The following RSPO4 variants were observed in gnomAD, a reference collection of about 807,000 sequenced individuals.
RSPO4 encodes the protein R-spondin-4.
RSPO4 carries 23 observed loss-of-function variants against 24.8 expected under a neutral mutation model. The observed-to-expected ratio is 0.93, with a 90% CI of 0.67 to 1.31. RSPO4 has a LOEUF of 1.31. Ranked by LOEUF, RSPO4 falls within the 40% of genes most tolerant of loss-of-function variation. The probability of loss-of-function intolerance (pLI) is 0.00; values close to 1 mark genes in which losing one functional copy is unlikely to be tolerated. For synonymous variants in RSPO4, 141 were observed against 127.4 expected, an observed-to-expected ratio of 1.11 and a Z score of -0.72; for missense variants, 333 against 316.5, an observed-to-expected ratio of 1.05 and a Z score of -0.39.
At position 972,502 on chromosome 20, in the gene RSPO4, C is replaced by T. The variant is rs906523556; in HGVS notation, c.80-4364G>A. Reference sequence around the variant, plus strand: ...ATGCCCTGTACAGCCCCTTAGGAAACGCTGGCACTGTTCTCCTCCCATTTT... The same window carrying T: ...ATGCCCTGTACAGCCCCTTAGGAAATGCTGGCACTGTTCTCCTCCCATTTT... On this transcript the variant is annotated intron_variant, in intron 1 of 4. Coordinates refer to ENST00000217260, the MANE Select transcript of RSPO4 (RefSeq NM_001029871.4). 1.2e-4 allele frequency among the ~76,000 whole-genome samples: 19 copies of T among 152,330 alleles called. 1 individual carries two copies. The highest frequency in any genetic ancestry group is 2.4e-4 in the African/African-American group (10 of 41,582).
intron 1 of RSPO4, among the ~76,000 whole-genome samples, chr20:979,482 T>C (rs1984672281): frequency 6.6e-6 from 1 of 152,232 alleles, no homozygotes. Context: ...ACTTATTTGC[T>C]GCGGGTTTCA....
intron 1 of RSPO4, among the ~76,000 whole-genome samples, chr20:990,000 G>A (rs1165253532): frequency 6.6e-6 from 1 of 152,240 alleles, no homozygotes; most frequent in African/African-American, 2.4e-5. Context: ...ACCCCACAAG[G>A]TGGGGGCTAC....
intron 1 of RSPO4, among the ~76,000 whole-genome samples, chr20:990,426 T>A (rs1473967132): frequency 1.3e-5 from 2 of 152,022 alleles, no homozygotes; most frequent in Non-Finnish European, 2.9e-5. Flanking sequence ...ATCCCAAGTG[T>A]ATGTTTTCCT....
In RSPO4 at chr20:964,137, GAGACAGAC is replaced by G. The variant is rs542081072; in HGVS notation, c.410-25_410-18del. The G allele has an allele frequency of 2.5e-6, 4 of 1,597,778 alleles. No homozygotes were observed. Among genetic ancestry groups the G allele is most frequent in the Non-Finnish European group, 3.4e-6 (4 of 1,170,010 alleles). On this transcript the variant is annotated intron_variant, in intron 3 of 4. Transcript: ENST00000217260. ...CACACTCCCCTGTGGGGTGAAAGGA[GAGACAGAC>G]AGACAGACAGACAGGGTCAGCCGGC...
chr20:999,599 T>C (rs1985399725), intron 1 of RSPO4, among the ~76,000 whole-genome samples: 4 of 151,958 alleles, frequency 2.6e-5, no homozygotes, highest in African/African-American at 7.3e-5. Context: ...CCCCAACAAA[T>C]AAATGGAGCC....
intron 1 of RSPO4, among the ~76,000 whole-genome samples, chr20:990,162 C>G (rs912647252): frequency 1.2e-4 from 18 of 152,332 alleles, no homozygotes; most frequent in Admixed American, 9.8e-4. Context: ...TCACCCCTCC[C>G]TGCCAACCCC....
intron 1 of RSPO4, among the ~76,000 whole-genome samples, chr20:973,157 T>G (rs572460485): frequency 6.7e-6 from 1 of 149,050 alleles, no homozygotes; most frequent in African/African-American, 2.4e-5. Context: ...AGGCAGAGCC[T>G]GGGGCCATGG....
At chr20:972,267 T>C (rs1600092041) in intron 1 of RSPO4, among the ~76,000 whole-genome samples, 1 of 152,192 alleles carries the variant, frequency 6.6e-6, no homozygotes, top group African/African-American at 2.4e-5. Context: ...GGTTTCACCA[T>C]GTTTCCCAGG....
At chr20:969,306 T>A (rs922281880) in intron 1 of RSPO4, among the ~76,000 whole-genome samples, 5 of 152,198 alleles carry the variant, frequency 3.3e-5, no homozygotes, top group Non-Finnish European at 7.3e-5. Flanking sequence ...TGAAGCCATG[T>A]TTCCAATAAA....
intron 1 of RSPO4, among the ~76,000 whole-genome samples, chr20:976,192 T>C (rs914722406): frequency 1.3e-5 from 2 of 152,222 alleles, no homozygotes; most frequent in African/African-American, 2.4e-5. Flanking sequence ...GGTGCTCCTC[T>C]GTAAACCTAG....
intron 1 of RSPO4, among the ~76,000 whole-genome samples, chr20:988,977 C>T (rs1985008035): frequency 6.6e-6 from 1 of 152,162 alleles, no homozygotes; most frequent in Non-Finnish European, 1.5e-5. Context: ...GATTCCTTGA[C>T]CTCTTGTTGC....
At chr20:964,803 CAT>C (rs202179959) in intron 3 of RSPO4, among the ~76,000 whole-genome samples, 14,677 of 106,508 alleles carry the variant, frequency 0.14, 1,090 homozygotes, top group African/African-American at 0.25. Context: ...TATATACACA[CAT>C]ACACACACAC....
intron 1 of RSPO4, among the ~76,000 whole-genome samples, chr20:975,210 C>T (rs910729138): frequency 6.6e-6 from 1 of 152,220 alleles, no homozygotes; most frequent in African/African-American, 2.4e-5. Context: ...AACCTGATCA[C>T]CCTGGTGCTC....
rs568059975 is a variant in RSPO4 at position 991,099 on chromosome 20, AGT to A, written c.79+10985_79+10986del. 8.3e-3 allele frequency among the ~76,000 whole-genome samples: 1,258 copies of A among 152,188 alleles called. 12 individuals carry two copies. The highest frequency in any genetic ancestry group is 0.029 in the African/African-American group (1,194 of 41,532). The stretch of plus-strand genomic sequence containing the variant: ...TAGCAGATCCAAGCTCACACTCTGG[AGT>A]GTGACTTTGCTTGTTTATTTTAAAA... On this transcript the variant is annotated intron_variant, in intron 1 of 4. Coordinates refer to ENST00000217260, the MANE Select transcript of RSPO4 (RefSeq NM_001029871.4).
At chr20:989,958 G>A (rs1985042628) in intron 1 of RSPO4, among the ~76,000 whole-genome samples, 1 of 152,178 alleles carries the variant, frequency 6.6e-6, no homozygotes, top group Non-Finnish European at 1.5e-5. Context: ...TGCCACCCAG[G>A]TCCTTGTACT....
intron 1 of RSPO4, among the ~76,000 whole-genome samples, chr20:992,490 AC>A (rs1389403706): frequency 1.3e-5 from 2 of 152,118 alleles, no homozygotes; most frequent in African/African-American, 4.8e-5. Context: ...GCCATCTCTG[AC>A]ATCAGGCTCG....
At chr20:975,769 T>C (rs1397259988) in intron 1 of RSPO4, among the ~76,000 whole-genome samples, 1 of 152,200 alleles carries the variant, frequency 6.6e-6, no homozygotes. Context: ...TCAATGGTTA[T>C]GAGCTTTGGG....
chr20:999,777 G>A (rs1408524956), intron 1 of RSPO4, among the ~76,000 whole-genome samples: 1 of 152,190 alleles, frequency 6.6e-6, no homozygotes, highest in Admixed American at 6.5e-5. Context: ...GGGGGCAAAA[G>A]GGGCAGGATA....
At chr20:992,251 G>C (rs1182324431) in intron 1 of RSPO4, among the ~76,000 whole-genome samples, 1 of 148,962 alleles carries the variant, frequency 6.7e-6, no homozygotes, top group Non-Finnish European at 1.5e-5. Context: ...GCTGTCCTCT[G>C]AGGTCCACTT....
Sources: allele counts gnomAD v4.1 joint callset (sites outside exome capture counted in the v4.1 genomes callset), GRCh38; gene constraint gnomAD v4.1.1; transcripts MANE v1.5; gene names NCBI Gene and HGNC (gene_info 2026-07-23, HGNC 2026-07-21).